The following ABCA13 variants were observed in gnomAD, a reference collection of about 807,000 sequenced individuals.
The protein encoded by ABCA13 is ATP binding cassette subfamily A member 13.
ABCA13 carries 476 observed loss-of-function variants against 478.7 expected under a neutral mutation model. That is an observed-to-expected ratio of 0.99 (90% confidence interval 0.92 to 1.07). The LOEUF (loss-of-function observed/expected upper bound fraction) is 1.07. Among genes scored for constraint, ABCA13 ranks in the 50% least tolerant of loss-of-function variants. The pLI is 0.00. For missense variants in ABCA13, 6,060 were observed against 5,910.6 expected (o/e 1.03, Z -0.83); for synonymous variants, 2,252 against 2,158.9 (o/e 1.04, Z -1.20).
rs1262882350 is a variant in ABCA13 at position 48,469,892 on chromosome 7, C to T, written c.12906-1638C>T. On this transcript the variant is annotated intron_variant, in intron 44 of 61. Transcript: ENST00000435803. The stretch of plus-strand genomic sequence containing the variant: ...CCGAGATTGTGCCATTGCATTCCAG[C>T]CTGGGCAACAGGGTGAGACTCCATC... 3.3e-5 allele frequency among the ~76,000 whole-genome samples: 5 copies of T among 151,490 alleles called. No homozygotes were observed. The East Asian group carries it at 9.8e-4, about 30-fold the overall frequency.
rs910412154 is a variant in ABCA13, at chr7:48,465,916, A to G, written c.12816-1040A>G. Among the ~76,000 whole-genome samples, 101 of 152,212 alleles carry G rather than the reference A, an allele frequency of 6.6e-4. 1 individual carries two copies. Among genetic ancestry groups the G allele is most frequent in the Middle Eastern group, 3.4e-3 (1 of 294 alleles). ...GTTCTTTAAAAGGAGTCACTTATGT[A>G]TATTTGTTAATTTATATAATAATTC... On this transcript the variant is annotated intron_variant, in intron 43 of 61. Transcript: ENST00000435803.
At chr7:48,428,072 G>T (rs1248750564) in intron 42 of ABCA13, among the ~76,000 whole-genome samples, 2 of 151,406 alleles carry the variant, frequency 1.3e-5, no homozygotes, top group Non-Finnish European at 3.0e-5. Context: ...AAAAAACTGT[G>T]TGTTTATGGG....
At chr7:48,515,775 A>C (rs560418581) in intron 51 of ABCA13, among the ~76,000 whole-genome samples, 1 of 152,164 alleles carries the variant, frequency 6.6e-6, no homozygotes, top group African/African-American at 2.4e-5. Flanking sequence ...TTCAGTTTTT[A>C]TTTTTAGGCC....
At chr7:48,558,000 C>T (rs2131241349) in intron 55 of ABCA13, among the ~76,000 whole-genome samples, 1 of 152,082 alleles carries the variant, frequency 6.6e-6, no homozygotes, top group East Asian at 1.9e-4. Context: ...GTTCTTTGTT[C>T]TTTTGCCTCC....
At chr7:48,558,319 C>T (rs1256796657) in intron 55 of ABCA13, among the ~76,000 whole-genome samples, 1 of 150,542 alleles carries the variant, frequency 6.6e-6, no homozygotes, top group Non-Finnish European at 1.5e-5. Flanking sequence ...AATCTTGGCT[C>T]ACTGCCTCAC....
chr7:48,498,750 A>G (rs2130790401), intron 48 of ABCA13, among the ~76,000 whole-genome samples: 1 of 152,344 alleles, frequency 6.6e-6, no homozygotes, highest in Middle Eastern at 3.4e-3. Context: ...CTGTAGACAT[A>G]TTGTCCATTA....
intron 9 of ABCA13, among the ~76,000 whole-genome samples, chr7:48,240,411 G>A (rs1005317570): frequency 6.6e-6 from 1 of 152,182 alleles, no homozygotes; most frequent in Non-Finnish European, 1.5e-5. Flanking sequence ...TTTGTGTAAT[G>A]TTGATGACAA....
At chr7:48,301,356 G>C (rs182157632) in intron 23 of ABCA13, among the ~76,000 whole-genome samples, 1 of 152,264 alleles carries the variant, frequency 6.6e-6, no homozygotes, top group Admixed American at 6.5e-5. Flanking sequence ...CATTAACAGA[G>C]CTGCTGGGCA....
At chr7:48,463,346 TTC>T (rs1826477902) in intron 43 of ABCA13, among the ~76,000 whole-genome samples, 1 of 152,146 alleles carries the variant, frequency 6.6e-6, no homozygotes, top group Admixed American at 6.5e-5. Flanking sequence ...TGCCAGTACT[TTC>T]TGTTTTTTTC....
intron 35 of ABCA13, among the ~76,000 whole-genome samples, chr7:48,380,724 G>C (rs1814217011): frequency 6.6e-6 from 1 of 152,122 alleles, no homozygotes; most frequent in African/African-American, 2.4e-5. Context: ...GTATTTTTGA[G>C]GCTTTGACTG....
At chr7:48,326,112 C>T (rs747094179) in intron 27 of ABCA13, among the ~76,000 whole-genome samples, 9 of 152,166 alleles carry the variant, frequency 5.9e-5, no homozygotes, top group East Asian at 1.9e-4. Flanking sequence ...GCTGGTTATG[C>T]GCATTGCAGG....
chr7:48,197,193 G>C (rs1196198764), intron 2 of ABCA13, among the ~76,000 whole-genome samples: 1 of 152,174 alleles, frequency 6.6e-6, no homozygotes, highest in African/African-American at 2.4e-5. Context: ...CTGCTTCCTC[G>C]AGCTACATAT....
At chr7:48,497,820 C>T (rs2130781734) in intron 48 of ABCA13, among the ~76,000 whole-genome samples, 1 of 152,300 alleles carries the variant, frequency 6.6e-6, no homozygotes, top group South Asian at 2.1e-4. Context: ...TAGTGAAGTA[C>T]CAGCTGGCTC....
At chr7:48,398,348 C>CACAGAGTGTT (rs1468898849) in intron 38 of ABCA13, among the ~76,000 whole-genome samples, 2 of 152,152 alleles carry the variant, frequency 1.3e-5, no homozygotes, top group African/African-American at 4.8e-5. Context: ...ATTATCAGCG[C>CACAGAGTGTT]ACAGAGTGTT....
intron 50 of ABCA13, among the ~76,000 whole-genome samples, chr7:48,510,068 T>A (rs929204689): frequency 1.3e-5 from 2 of 152,248 alleles, no homozygotes; most frequent in South Asian, 2.1e-4. Flanking sequence ...CCAAATGGTG[T>A]TGGGCATAAA....
At chr7:48,268,446 A>C (rs1795156075) in intron 15 of ABCA13, among the ~76,000 whole-genome samples, 1 of 152,198 alleles carries the variant, frequency 6.6e-6, no homozygotes, top group Non-Finnish European at 1.5e-5. Context: ...GGCGTGAGCC[A>C]CCACACCCGG....
chr7:48,306,136 G>A (rs560867211), intron 23 of ABCA13, among the ~76,000 whole-genome samples: 1 of 152,330 alleles, frequency 6.6e-6, no homozygotes, highest in South Asian at 2.1e-4. Context: ...CCACAGGAAA[G>A]GAGAGGGAGC....
intron 31 of ABCA13, among the ~76,000 whole-genome samples, chr7:48,356,047 A>G (rs1809858959): frequency 6.6e-6 from 1 of 151,972 alleles, no homozygotes; most frequent in Admixed American, 6.5e-5. Context: ...TGAAGAGGTA[A>G]ATGAGAAGAG....
chr7:48,229,833 T>A lies in ABCA13; in HGVS notation c.641T>A (p.Ile214Lys). 6.2e-7 allele frequency: 1 copy of A among 1,613,966 alleles called. No individual in the cohort carries two copies. The highest frequency in any genetic ancestry group is 8.5e-7 in the Non-Finnish European group (1 of 1,179,858). ...TTTTGTTTTGGTTCTAGTTCCTTAA[T>A]ATCCCTAGAAGATTTAGATTGGCTT... ...NLLQTILNSL[I>K]SLEDLDWLPL... The change falls in exon 7 of 62, where the codon ATA (isoleucine) becomes AAA (lysine). Residue 214 changes from isoleucine to lysine, a missense_variant. Coordinates refer to ENST00000435803, the MANE Select transcript of ABCA13 (RefSeq NM_152701.5).
Sources: allele counts gnomAD v4.1 joint callset (sites outside exome capture counted in the v4.1 genomes callset), GRCh38; gene constraint gnomAD v4.1.1; transcripts MANE v1.5; gene names NCBI Gene and HGNC (gene_info 2026-07-23, HGNC 2026-07-21).